Variants in GABRG3 observed in about 807,000 individuals in gnomAD.
GABRG3 encodes gamma-aminobutyric acid type A receptor subunit gamma3.
Under a neutral mutation model 48.8 loss-of-function variants are expected in GABRG3, and 25 were observed. That is an observed-to-expected ratio of 0.51 (90% CI 0.37 to 0.72). The LOEUF (loss-of-function observed/expected upper bound fraction) is 0.72. GABRG3 is among the 30% of genes least tolerant of loss of function. The pLI is 0.00. For missense variants in GABRG3, 394 were observed against 577.9 expected (o/e 0.68, Z 3.26); for synonymous variants, 227 against 217.6 (o/e 1.04, Z -0.38).
At chr15:27,166,396 ATCT>A (rs1457669531) in intron 3 of GABRG3, among the ~76,000 whole-genome samples, 3 of 152,174 alleles carry the variant, frequency 2.0e-5, no homozygotes, top group African/African-American at 4.8e-5. Context: ...TGTGGACAAC[ATCT>A]TCTTCTTTGG....
rs757688026 is a variant in GABRG3 at position 27,168,136 on chromosome 15, TAAAAA to T, written c.270+141324_270+141328del. 2.8e-5 allele frequency among the ~76,000 whole-genome samples: 4 copies of T among 142,148 alleles called. No individual in the cohort carries two copies. In the East Asian group the frequency reaches 8.2e-4, roughly 29 times the overall value. The allele number at this position is 142,148 out of a possible 152,430, so 93.3% of individuals were successfully genotyped here. On this transcript the variant is annotated intron_variant, in intron 3 of 9. Transcript: ENST00000615808. ...TGAGACCTTTCTAAAGAAGCTCAGT[TAAAAA>T]AAAAAAAAGGGAAAACAGACATCTC...
At chr15:27,259,633 G>A (rs1054388312) in intron 3 of GABRG3, among the ~76,000 whole-genome samples, 1 of 152,176 alleles carries the variant, frequency 6.6e-6, no homozygotes, top group African/African-American at 2.4e-5. Context: ...GTTGAGAAGA[G>A]CTCTTGGCCT....
intron 3 of GABRG3, among the ~76,000 whole-genome samples, chr15:27,222,602 C>T (rs1468151138): frequency 1.3e-5 from 2 of 152,244 alleles, no homozygotes; most frequent in East Asian, 3.9e-4. Flanking sequence ...TAAACAATGA[C>T]CTAAGAACTA....
chr15:27,314,488 T>C (rs1026609034), intron 3 of GABRG3, among the ~76,000 whole-genome samples: 1 of 152,194 alleles, frequency 6.6e-6, no homozygotes, highest in Non-Finnish European at 1.5e-5. Flanking sequence ...ACAGCCACTA[T>C]GGAAAACAGT....
At chr15:27,284,518 T>A (rs757731248) in intron 3 of GABRG3, among the ~76,000 whole-genome samples, 1 of 152,164 alleles carries the variant, frequency 6.6e-6, no homozygotes, top group Non-Finnish European at 1.5e-5. Context: ...ACTCTCTCTC[T>A]CACACACACT....
In GABRG3 at chr15:27,188,828, C is replaced by G. The variant is rs1262649090; in HGVS notation, c.271-137981C>G. ...ATGCCTATGTCCTGAATGGTAAAGC[C>G]TAGGTTTTCTTCTAGGGTTTTTATG... On this transcript the variant is annotated intron_variant, in intron 3 of 9. Transcript: ENST00000615808. 2.0e-5 allele frequency among the ~76,000 whole-genome samples: 3 copies of G among 152,000 alleles called. No individual in the cohort carries two copies. The East Asian group carries it at 5.8e-4, about 29-fold the overall frequency.
chr15:27,501,747 A>G (rs1359462686), intron 6 of GABRG3, among the ~76,000 whole-genome samples: 1 of 152,082 alleles, frequency 6.6e-6, no homozygotes, highest in Non-Finnish European at 1.5e-5. Context: ...GCTGAGTCCA[A>G]GTTCTGTCTC....
intron 3 of GABRG3, among the ~76,000 whole-genome samples, chr15:27,265,161 C>CA (rs1183079569): frequency 5.3e-5 from 8 of 151,984 alleles, no homozygotes; most frequent in Non-Finnish European, 1.2e-4. Context: ...TCCATTTTAC[C>CA]AAAAAACCCA....
chr15:27,092,039 T>C (rs1456811597), intron 3 of GABRG3, among the ~76,000 whole-genome samples: 3 of 152,210 alleles, frequency 2.0e-5, no homozygotes, highest in Admixed American at 1.3e-4. Context: ...ATGTCACACC[T>C]GTTAAATAAA....
At chr15:27,106,905 G>A (rs1897459594) in intron 3 of GABRG3, among the ~76,000 whole-genome samples, 1 of 152,032 alleles carries the variant, frequency 6.6e-6, no homozygotes, top group Admixed American at 6.6e-5. Context: ...AGTCATTAAA[G>A]GAATTTAATT....
chr15:27,423,260 A>AT (rs1431971948), intron 5 of GABRG3, among the ~76,000 whole-genome samples: 1 of 150,234 alleles, frequency 6.7e-6, no homozygotes, highest in Admixed American at 6.6e-5. Context: ...AAAAAAAAAA[A>AT]AAAAACCTCT....
chr15:27,249,071 A>G (rs947729232), intron 3 of GABRG3, among the ~76,000 whole-genome samples: 3 of 152,172 alleles, frequency 2.0e-5, no homozygotes, highest in African/African-American at 7.2e-5. Context: ...ACTAGCGACA[A>G]TGCATACAAA....
chr15:27,239,805 G>A lies in GABRG3; in HGVS notation c.271-87004G>A, dbSNP rs909959804. On this transcript the variant is annotated intron_variant, in intron 3 of 9. Coordinates refer to ENST00000615808, the MANE Select transcript of GABRG3 (RefSeq NM_033223.5). ...TTATCCTAAAAAGTAAATGATAGTC[G>A]ACAGCCATTTATAAATTCCTCTAAT... Among the ~76,000 whole-genome samples the A allele has an allele frequency of 3.9e-5, 6 of 152,216 alleles. No homozygotes were observed. The East Asian group carries it at 7.7e-4, about 20-fold the overall frequency.
At chr15:27,001,338 C>G (rs1312994681) in intron 2 of GABRG3, among the ~76,000 whole-genome samples, 1 of 152,216 alleles carries the variant, frequency 6.6e-6, no homozygotes, top group Non-Finnish European at 1.5e-5. Flanking sequence ...CCTGTCACCC[C>G]TCTGAGGCCC....
At chr15:27,460,405 G>T (rs1889413401) in intron 5 of GABRG3, among the ~76,000 whole-genome samples, 1 of 152,172 alleles carries the variant, frequency 6.6e-6, no homozygotes, top group Non-Finnish European at 1.5e-5. Flanking sequence ...AAGTTTTGCT[G>T]CAGGAGAAAG....
Position 27,292,823 on chromosome 15 carries a change from CAG to C in GABRG3, c.271-33984_271-33983del, listed in dbSNP as rs1421967113. 2.6e-5 allele frequency among the ~76,000 whole-genome samples: 4 copies of C among 152,176 alleles called. No homozygotes were observed. The East Asian group carries it at 7.7e-4, about 29-fold the overall frequency. ...AGACTATTTCTATCACAGCAGCAAA[CAG>C]AAGAGATTTCAGATAAAGGACAAAA... On this transcript the variant is annotated intron_variant, in intron 3 of 9. Coordinates refer to ENST00000615808, the MANE Select transcript of GABRG3 (RefSeq NM_033223.5).
At chr15:27,132,770 T>G (rs1161443261) in intron 3 of GABRG3, among the ~76,000 whole-genome samples, 1 of 151,604 alleles carries the variant, frequency 6.6e-6, no homozygotes, top group Non-Finnish European at 1.5e-5. Context: ...TCTTATTTTG[T>G]TGATTTTTTT....
In GABRG3 at chr15:27,446,274, A is replaced by C. The variant is rs139762570; in HGVS notation, c.575-34376A>C. On this transcript the variant is annotated intron_variant, in intron 5 of 9. Transcript: ENST00000615808. ...CAATATTAAATCTTCTGATCAATGA[A>C]CATAGTATACCTTTTCATTTATTTA... 1.9e-4 allele frequency among the ~76,000 whole-genome samples: 29 copies of C among 152,334 alleles called. No homozygotes were observed. In the East Asian group the frequency reaches 4.2e-3, roughly 22 times the overall value.
At chr15:27,038,469 C>G (rs1268364607) in intron 3 of GABRG3, among the ~76,000 whole-genome samples, 1 of 152,164 alleles carries the variant, frequency 6.6e-6, no homozygotes, top group Non-Finnish European at 1.5e-5. Flanking sequence ...CCTCTCCTGT[C>G]CCGTGGTAGG....
Sources: gnomAD v4.1 joint callset for allele counts (sites outside exome capture counted in the v4.1 genomes callset) on GRCh38, gnomAD v4.1.1 for gene constraint, MANE v1.5 for transcripts, NCBI Gene and HGNC (gene_info 2026-07-23, HGNC 2026-07-21) for gene names.